Variants in PREX2 observed in about 807,000 individuals in gnomAD.
PREX2 encodes the protein phosphatidylinositol-3,4,5-trisphosphate dependent Rac exchange factor 2, also known as phosphatidylinositol 3,4,5-trisphosphate-dependent Rac exchanger 2 protein.
A neutral mutation model predicts 203.2 loss-of-function variants in PREX2; 107 were observed. The ratio of observed to expected loss-of-function variants is 0.53; its 90% CI spans 0.45 to 0.62. The LOEUF (loss-of-function observed/expected upper bound fraction) is 0.62. Ranked by LOEUF, PREX2 falls within the 20% of genes least tolerant of loss-of-function variation. PREX2 has a pLI of 0.00. For synonymous variants in PREX2, 672 were observed against 663.6 expected, an observed-to-expected ratio of 1.01 and a Z score of -0.19; for missense variants, 1,777 against 1,955.9, an observed-to-expected ratio of 0.91 and a Z score of 1.72.
intron 1 of PREX2, among the ~76,000 whole-genome samples, chr8:68,009,247 G>A (rs1807195056): frequency 6.6e-6 from 1 of 152,160 alleles, no homozygotes; most frequent in Non-Finnish European, 1.5e-5. Context: ...CAGGAATAGT[G>A]TTCTGCACTT....
chr8:68,194,286 G>C (rs1213408882), intron 37 of PREX2, among the ~76,000 whole-genome samples: 1 of 152,138 alleles, frequency 6.6e-6, no homozygotes, highest in Admixed American at 6.5e-5. Flanking sequence ...TACTGCATTG[G>C]GGGGAAACGG....
chr8:68,187,873 C>G (rs1394148959), intron 35 of PREX2, among the ~76,000 whole-genome samples: 2 of 152,142 alleles, frequency 1.3e-5, no homozygotes, highest in Non-Finnish European at 2.9e-5. Flanking sequence ...TACACTGAGG[C>G]CTCTGGCCTG....
At chr8:68,147,835 A>T (rs1455843887) in intron 34 of PREX2, among the ~76,000 whole-genome samples, 1 of 152,178 alleles carries the variant, frequency 6.6e-6, no homozygotes, top group African/African-American at 2.4e-5. Flanking sequence ...GAGGACTGTG[A>T]TTTATAGACA....
rs148974436 is a variant in PREX2 at position 68,218,227 on chromosome 8, T to C, written c.4707+509T>C. Among the ~76,000 whole-genome samples, 193 of 152,272 alleles carry C rather than the reference T, an allele frequency of 1.3e-3. 1 individual carries two copies. Among genetic ancestry groups the C allele is most frequent in the African/African-American group, 4.5e-3 (186 of 41,562 alleles). On this transcript the variant is annotated intron_variant, in intron 38 of 39. Coordinates refer to ENST00000288368, the MANE Select transcript of PREX2 (RefSeq NM_024870.4). Reference sequence around the variant, plus strand: ...TTCCTTTAGGGGATAAATAGCAGTCTTTGGACTGTCTTCGGGTCACTGGAG... The same window carrying C: ...TTCCTTTAGGGGATAAATAGCAGTCCTTGGACTGTCTTCGGGTCACTGGAG...
At chr8:68,169,604 T>G (rs1811834540) in intron 35 of PREX2, among the ~76,000 whole-genome samples, 1 of 152,172 alleles carries the variant, frequency 6.6e-6, no homozygotes, top group Non-Finnish European at 1.5e-5. Flanking sequence ...AATTCCATAT[T>G]ATTATTTCCA....
intron 21 of PREX2, 23 bp downstream of exon 21, chr8:68,093,745 C>A: frequency 7.9e-7 from 1 of 1,257,896 alleles, no homozygotes; most frequent in East Asian, 2.3e-5. Context: ...TTTTCTTCTT[C>A]ATGTGCTTAT....
In PREX2 at chr8:68,073,809, C is replaced by T. The variant is rs191785550; in HGVS notation, c.1569+1239C>T. Among the ~76,000 whole-genome samples the T allele has an allele frequency of 2.2e-4, 34 of 152,074 alleles. 1 individual carries two copies. The highest frequency in any genetic ancestry group is 1.9e-3 in the Admixed American group (29 of 15,270). ...GTGAACTTGTATGATGTGTTGATTACGTGAGAAACTTAAAGAAAATTTATC... is the reference window on the plus strand; with the variant it reads ...GTGAACTTGTATGATGTGTTGATTATGTGAGAAACTTAAAGAAAATTTATC... On this transcript the variant is annotated intron_variant, in intron 14 of 39. Coordinates refer to ENST00000288368, the MANE Select transcript of PREX2 (RefSeq NM_024870.4).
intron 1 of PREX2, among the ~76,000 whole-genome samples, chr8:67,993,959 T>C (rs1323341840): frequency 1.3e-5 from 2 of 152,202 alleles, no homozygotes; most frequent in Non-Finnish European, 2.9e-5. Context: ...GTTCTCATCA[T>C]TAATAACACT....
intron 8 of PREX2, among the ~76,000 whole-genome samples, chr8:68,049,817 C>A (rs1250956811): frequency 4.6e-5 from 7 of 151,786 alleles, no homozygotes; most frequent in Admixed American, 4.6e-4. Flanking sequence ...TTTTTAATGG[C>A]TTTAGTGAGG....
intron 15 of PREX2, among the ~76,000 whole-genome samples, chr8:68,078,648 A>G (rs947762359): frequency 6.6e-6 from 1 of 152,172 alleles, no homozygotes. Flanking sequence ...CTGTTTCCCT[A>G]TCTCCAGATC....
chr8:68,083,930 T>C (rs1156774802), intron 18 of PREX2, among the ~76,000 whole-genome samples: 1 of 152,210 alleles, frequency 6.6e-6, no homozygotes, highest in Non-Finnish European at 1.5e-5. Flanking sequence ...AGAATACAAA[T>C]GTTTCTAAAG....
chr8:68,155,531 C>A (rs2129613895), intron 34 of PREX2, among the ~76,000 whole-genome samples: 1 of 152,232 alleles, frequency 6.6e-6, no homozygotes, highest in Admixed American at 6.5e-5. Context: ...TATTTCCCCC[C>A]CTCAAAATGG....
At chr8:68,220,705 A>T (rs1812936350) in intron 38 of PREX2, among the ~76,000 whole-genome samples, 1 of 152,170 alleles carries the variant, frequency 6.6e-6, no homozygotes, top group Non-Finnish European at 1.5e-5. Context: ...TGGCTGGGAT[A>T]AGTCTTACTC....
At chr8:68,111,887 G>A (rs1488195393) in intron 25 of PREX2, among the ~76,000 whole-genome samples, 2 of 152,130 alleles carry the variant, frequency 1.3e-5, no homozygotes, top group Non-Finnish European at 2.9e-5. Flanking sequence ...GGTCAGAGAT[G>A]TCTTTGCAAG....
At chr8:68,083,150 T>G in intron 17 of PREX2, 90 bp from the exon 18 acceptor site, 1 of 924,404 alleles carries the variant, frequency 1.1e-6, no homozygotes. Flanking sequence ...ATCTATAAGC[T>G]CTGAAACTTT....
At chr8:68,058,712 G>A (rs965627623) in intron 10 of PREX2, among the ~76,000 whole-genome samples, 5 of 152,116 alleles carry the variant, frequency 3.3e-5, no homozygotes, top group African/African-American at 1.2e-4. Context: ...TGGGATTATA[G>A]GCATGAGCCA....
intron 1 of PREX2, among the ~76,000 whole-genome samples, chr8:67,996,916 A>G (rs1274028161): frequency 1.3e-5 from 2 of 152,272 alleles, no homozygotes; most frequent in East Asian, 3.9e-4. Flanking sequence ...GTTGAATTCA[A>G]CTGGCATCTT....
intron 3 of PREX2, among the ~76,000 whole-genome samples, chr8:68,021,676 C>T (rs1807571476): frequency 6.6e-6 from 1 of 152,196 alleles, no homozygotes; most frequent in South Asian, 2.1e-4. Context: ...ACATACATTC[C>T]TTATTCAGTT....
At chr8:68,103,546 T>C (rs1190419785) in intron 23 of PREX2, 1 of 518,990 alleles carries the variant, frequency 1.9e-6, no homozygotes, top group South Asian at 1.4e-5. Context: ...CCCACACTGT[T>C]CCCTTTCTTT....
Sources: allele counts gnomAD v4.1 joint callset (sites outside exome capture counted in the v4.1 genomes callset), GRCh38; gene constraint gnomAD v4.1.1; transcripts MANE v1.5; gene names NCBI Gene and HGNC (gene_info 2026-07-23, HGNC 2026-07-21).